The following JAZF1 variants were observed in gnomAD, a reference collection of about 807,000 sequenced individuals.
The protein encoded by JAZF1 is JAZF zinc finger 1, also known as juxtaposed with another zinc finger protein 1.
In JAZF1, 8 loss-of-function variants were observed where a neutral mutation model predicts 26.4. The ratio of observed to expected loss-of-function variants is 0.30; its 90% CI spans 0.18 to 0.55. JAZF1 has a LOEUF of 0.55. Ranked by LOEUF, JAZF1 falls within the 20% of genes least tolerant of loss-of-function variation. The pLI is 0.94. For synonymous variants in JAZF1, 126 were observed against 122.3 expected (o/e 1.03, Z -0.20); for missense variants, 199 against 322.0 (o/e 0.62, Z 2.92).
intron 3 of JAZF1, among the ~76,000 whole-genome samples, chr7:27,874,519 C>T (rs958725590): frequency 3.9e-5 from 6 of 152,080 alleles, no homozygotes; most frequent in Non-Finnish European, 5.9e-5. Flanking sequence ...ACCAATCTGT[C>T]GATTTATGAG....
At chr7:27,925,096 C>G (rs901815649) in intron 2 of JAZF1, among the ~76,000 whole-genome samples, 1 of 152,198 alleles carries the variant, frequency 6.6e-6, no homozygotes, top group East Asian at 1.9e-4. Context: ...ATTGAAAACA[C>G]CTTTGGAAAA....
chr7:28,002,166 C>T (rs1782608854), intron 1 of JAZF1, among the ~76,000 whole-genome samples: 1 of 152,184 alleles, frequency 6.6e-6, no homozygotes, highest in Admixed American at 6.5e-5. Flanking sequence ...CCCCAACTAC[C>T]CTGATTAAAA....
At position 28,037,214 on chromosome 7, in the gene JAZF1, C is replaced by G. The variant is rs150352385; in HGVS notation, c.116-45233G>C. Reference sequence around the variant, plus strand: ...AAATATTATGTTTTCTTGCAAATGTCCTCAGCAATGAGATACAGAAGCAGA... The same window carrying G: ...AAATATTATGTTTTCTTGCAAATGTGCTCAGCAATGAGATACAGAAGCAGA... On this transcript the variant is annotated intron_variant, in intron 1 of 4. Coordinates refer to ENST00000283928, the MANE Select transcript of JAZF1 (RefSeq NM_175061.4). 2.4e-3 allele frequency among the ~76,000 whole-genome samples: 368 copies of G among 152,296 alleles called. 1 individual carries two copies. Among genetic ancestry groups the G allele is most frequent in the Non-Finnish European group, 4.2e-3 (286 of 68,022 alleles).
intron 1 of JAZF1, among the ~76,000 whole-genome samples, chr7:28,130,392 G>A (rs1157487100): frequency 6.6e-6 from 1 of 152,106 alleles, no homozygotes; most frequent in Non-Finnish European, 1.5e-5. Context: ...CTAGGGAGTG[G>A]TTGAAAAATA....
chr7:28,069,807 G>C (rs1211147757), intron 1 of JAZF1, among the ~76,000 whole-genome samples: 1 of 152,162 alleles, frequency 6.6e-6, no homozygotes, highest in Non-Finnish European at 1.5e-5. Context: ...ACCATGCTGA[G>C]CGTTGAGCCG....
intron 1 of JAZF1, among the ~76,000 whole-genome samples, chr7:28,150,922 T>A (rs775390490): frequency 2.0e-5 from 3 of 152,170 alleles, no homozygotes; most frequent in African/African-American, 7.2e-5. Context: ...GGTAACGCCA[T>A]TAAAAATTTC....
At chr7:28,009,758 C>T (rs1782766651) in intron 1 of JAZF1, among the ~76,000 whole-genome samples, 1 of 152,212 alleles carries the variant, frequency 6.6e-6, no homozygotes, top group South Asian at 2.1e-4. Context: ...GCTGGGATCA[C>T]AGGCGTGAGC....
chr7:27,962,729 A>ATCTGCT (rs1785205986), intron 2 of JAZF1, among the ~76,000 whole-genome samples: 1 of 152,184 alleles, frequency 6.6e-6, no homozygotes, highest in Non-Finnish European at 1.5e-5. Context: ...TGCTGCTTTC[A>ATCTGCT]TTTTGTATTT....
chr7:27,895,139 C>G, intron 3 of JAZF1, 81 bp downstream of exon 3: 1 of 919,280 alleles, frequency 1.1e-6, no homozygotes, highest in East Asian at 3.0e-5. Context: ...TCCCCAGCCC[C>G]TTTCTGCCCC....
intron 1 of JAZF1, among the ~76,000 whole-genome samples, chr7:28,137,557 C>T (rs1374567474): frequency 6.6e-6 from 1 of 152,212 alleles, no homozygotes; most frequent in African/African-American, 2.4e-5. Context: ...CCTCAAGAGG[C>T]CTTGCAAGTC....
At chr7:28,160,410 T>A (rs1344299722) in intron 1 of JAZF1, among the ~76,000 whole-genome samples, 1 of 152,094 alleles carries the variant, frequency 6.6e-6, no homozygotes, top group Non-Finnish European at 1.5e-5. Flanking sequence ...ATCTAGAATG[T>A]AGGCTCCATG....
intron 1 of JAZF1, among the ~76,000 whole-genome samples, chr7:28,151,664 T>C (rs1321153564): frequency 6.6e-6 from 1 of 151,668 alleles, no homozygotes; most frequent in Non-Finnish European, 1.5e-5. Flanking sequence ...TAGCCGGGCA[T>C]GATGGCGCAT....
At chr7:27,851,974 T>C (rs1178263282) in intron 3 of JAZF1, among the ~76,000 whole-genome samples, 5 of 151,602 alleles carry the variant, frequency 3.3e-5, no homozygotes, top group African/African-American at 9.7e-5. Context: ...TTCTGAGTTA[T>C]GGACCCACAC....
intron 2 of JAZF1, among the ~76,000 whole-genome samples, chr7:27,902,281 GGACAA>G (rs1425630784): frequency 3.9e-4 from 59 of 152,226 alleles, no homozygotes; most frequent in African/African-American, 1.3e-3. Flanking sequence ...CTGGACTCAA[GGACAA>G]GACATTTTAA....
intron 2 of JAZF1, among the ~76,000 whole-genome samples, chr7:27,928,574 A>G (rs2040666): frequency 0.25 from 37,631 of 152,188 alleles, 4,841 homozygotes; most frequent in South Asian, 0.29. Flanking sequence ...GCTAGTGCCC[A>G]TCTTAGGTAT....
chr7:28,099,904 G>C (rs543709327), intron 1 of JAZF1, among the ~76,000 whole-genome samples: 98 of 152,282 alleles, frequency 6.4e-4, no homozygotes, highest in Admixed American at 1.4e-3. Context: ...AGCTATACTT[G>C]GCCTGCCTCA....
At chr7:28,104,237 C>T (rs1784518273) in intron 1 of JAZF1, among the ~76,000 whole-genome samples, 1 of 152,344 alleles carries the variant, frequency 6.6e-6, no homozygotes, top group South Asian at 2.1e-4. Context: ...TCTCCACTTT[C>T]CTTATCTTAC....
chr7:27,922,183 T>C (rs997365431), intron 2 of JAZF1, among the ~76,000 whole-genome samples: 1 of 152,170 alleles, frequency 6.6e-6, no homozygotes, highest in African/African-American at 2.4e-5. Context: ...ACAGAACAAA[T>C]AAATAAGGTC....
chr7:28,121,760 C>A (rs6962289), intron 1 of JAZF1, among the ~76,000 whole-genome samples: 87,482 of 152,138 alleles, frequency 0.58, 25,816 homozygotes, highest in Middle Eastern at 0.64. Flanking sequence ...GGCATAGATT[C>A]TGAAGTCCAT....
Sources: allele counts gnomAD v4.1 joint callset (sites outside exome capture counted in the v4.1 genomes callset), GRCh38; gene constraint gnomAD v4.1.1; transcripts MANE v1.5; gene names NCBI Gene and HGNC (gene_info 2026-07-23, HGNC 2026-07-21).